The following TENM4 variants were observed in gnomAD, a reference collection of about 807,000 sequenced individuals.
TENM4 encodes teneurin-4.
TENM4 carries 82 observed loss-of-function variants against 243.3 expected under a neutral mutation model. The observed-to-expected ratio is 0.34, with a 90% CI of 0.28 to 0.40. The LOEUF is 0.40. Ranked by LOEUF, TENM4 falls within the 10% of genes least tolerant of loss-of-function variation. The pLI is 1.00. For synonymous variants in TENM4, 1,412 were observed against 1,456.3 expected, an observed-to-expected ratio of 0.97 and a Z score of 0.69; for missense variants, 3,138 against 3,673.3, an observed-to-expected ratio of 0.85 and a Z score of 3.77.
At chr11:78,815,443 G>A (rs1352433263) in intron 12 of TENM4, among the ~76,000 whole-genome samples, 2 of 152,014 alleles carry the variant, frequency 1.3e-5, no homozygotes, top group African/African-American at 2.4e-5. Context: ...CCCCAGACAC[G>A]CTCTCTGTCA....
At chr11:78,948,108 T>C (rs1214858935) in intron 6 of TENM4, among the ~76,000 whole-genome samples, 1 of 152,186 alleles carries the variant, frequency 6.6e-6, no homozygotes, top group East Asian at 1.9e-4. Context: ...TAAGGAAAAG[T>C]TGAAAGAATA....
At chr11:79,237,808 CTT>C (rs1238354311) in intron 2 of TENM4, among the ~76,000 whole-genome samples, 1 of 152,186 alleles carries the variant, frequency 6.6e-6, no homozygotes, top group East Asian at 1.9e-4. Flanking sequence ...CTCAGAGGCT[CTT>C]TTTCGTTTCC....
chr11:78,823,615 C>A (rs1382536478), intron 12 of TENM4, among the ~76,000 whole-genome samples: 1 of 151,818 alleles, frequency 6.6e-6, no homozygotes, highest in African/African-American at 2.4e-5. Flanking sequence ...TGGAAAGAGG[C>A]GGGAACACTG....
At chr11:79,190,036 G>A (rs1374559524) in intron 3 of TENM4, among the ~76,000 whole-genome samples, 1 of 152,170 alleles carries the variant, frequency 6.6e-6, no homozygotes, top group Non-Finnish European at 1.5e-5. Flanking sequence ...GAGCCTTCTG[G>A]AACCTTCAGT....
intron 6 of TENM4, among the ~76,000 whole-genome samples, chr11:79,049,463 C>T (rs1434504625): frequency 6.6e-6 from 1 of 152,178 alleles, no homozygotes; most frequent in Non-Finnish European, 1.5e-5. Flanking sequence ...GCTAGGGCCG[C>T]TCACTAATCA....
At chr11:78,758,149 C>T (rs1050166180) in intron 18 of TENM4, among the ~76,000 whole-genome samples, 4 of 152,184 alleles carry the variant, frequency 2.6e-5, no homozygotes, top group Admixed American at 1.3e-4. Flanking sequence ...AACAGTCTAA[C>T]GACATGTATT....
chr11:79,400,026 G>A (rs936181871), intron 1 of TENM4, among the ~76,000 whole-genome samples: 1 of 151,582 alleles, frequency 6.6e-6, no homozygotes, highest in East Asian at 1.9e-4. Flanking sequence ...TCAAGTCTCT[G>A]CTAGAATAAA....
At chr11:79,160,219 G>A (rs1227023303) in intron 3 of TENM4, among the ~76,000 whole-genome samples, 1 of 152,120 alleles carries the variant, frequency 6.6e-6, no homozygotes, top group African/African-American at 2.4e-5. Flanking sequence ...CATCCTGCTT[G>A]TTGATCTGTG....
intron 9 of TENM4, among the ~76,000 whole-genome samples, chr11:78,865,470 C>T (rs1858947131): frequency 6.6e-6 from 1 of 152,164 alleles, no homozygotes; most frequent in South Asian, 2.1e-4. Flanking sequence ...CCCTTTTGTA[C>T]ATCAAACAGC....
chr11:78,984,588 C>T (rs1857876837), intron 6 of TENM4, among the ~76,000 whole-genome samples: 1 of 152,128 alleles, frequency 6.6e-6, no homozygotes, highest in South Asian at 2.1e-4. Context: ...ACTCACTACT[C>T]ACTCCAGAGG....
At chr11:79,139,117 TCTATAA>T in intron 4 of TENM4, among the ~76,000 whole-genome samples, 10 of 45,540 alleles carry the variant, frequency 2.2e-4, no homozygotes, top group Non-Finnish European at 3.4e-4. Context: ...ATATTATATT[TCTATAA>T]ATATATATTA....
At chr11:79,034,912 T>C (rs181849471) in intron 6 of TENM4, among the ~76,000 whole-genome samples, 1 of 152,308 alleles carries the variant, frequency 6.6e-6, no homozygotes, top group Admixed American at 6.5e-5. Flanking sequence ...GCTTTCACAC[T>C]GTGCTCAACA....
At chr11:79,254,314 T>C (rs1855663882) in intron 2 of TENM4, among the ~76,000 whole-genome samples, 1 of 152,172 alleles carries the variant, frequency 6.6e-6, no homozygotes, top group South Asian at 2.1e-4. Flanking sequence ...TGGAAAAATA[T>C]GCAGCAGTTA....
At chr11:79,393,263 G>A (rs553604807) in intron 1 of TENM4, among the ~76,000 whole-genome samples, 1 of 152,028 alleles carries the variant, frequency 6.6e-6, no homozygotes, top group East Asian at 1.9e-4. Flanking sequence ...AAGAGGCTCC[G>A]AGATCAAGAA....
At chr11:79,324,207 TC>T (rs1169587722) in intron 1 of TENM4, among the ~76,000 whole-genome samples, 1 of 152,144 alleles carries the variant, frequency 6.6e-6, no homozygotes, top group African/African-American at 2.4e-5. Flanking sequence ...TTATTCCTTT[TC>T]CTTTATTTAA....
Position 78,706,939 on chromosome 11 carries a change from T to C in TENM4, c.4209+1422A>G, listed in dbSNP as rs562761127. ...CAAAGACGAGTGGCAGAGAACAGCA[T>C]CCACTCTGGAGTGTAATAATCACAT... On this transcript the variant is annotated intron_variant, in intron 27 of 33. Coordinates refer to ENST00000278550, the MANE Select transcript of TENM4 (RefSeq NM_001098816.3). Among the ~76,000 whole-genome samples the C allele has an allele frequency of 4.6e-5, 7 of 152,282 alleles. No homozygotes were observed. In the South Asian group the frequency reaches 8.3e-4, roughly 18 times the overall value.
chr11:79,086,707 G>A (rs189485268), intron 4 of TENM4, among the ~76,000 whole-genome samples: 178 of 151,986 alleles, frequency 1.2e-3, no homozygotes, highest in African/African-American at 4.1e-3. Flanking sequence ...GGTGGCTTAT[G>A]CCTGTAGTCC....
intron 3 of TENM4, among the ~76,000 whole-genome samples, chr11:79,186,720 A>G (rs1863387168): frequency 6.6e-6 from 1 of 152,192 alleles, no homozygotes; most frequent in African/African-American, 2.4e-5. Context: ...GAATTTTTTA[A>G]AGAAATTGCC....
chr11:78,869,257 C>T (rs1859063417), intron 9 of TENM4, among the ~76,000 whole-genome samples: 2 of 152,134 alleles, frequency 1.3e-5, no homozygotes, highest in African/African-American at 4.8e-5. Context: ...AACAGCGATG[C>T]AGGAAAATGC....
Sources: gnomAD v4.1 joint callset for allele counts (sites outside exome capture counted in the v4.1 genomes callset) on GRCh38, gnomAD v4.1.1 for gene constraint, MANE v1.5 for transcripts, NCBI Gene and HGNC (gene_info 2026-07-23, HGNC 2026-07-21) for gene names.